KLF8: variants seen among roughly 807,000 people sequenced by gnomAD.
The protein encoded by KLF8 is KLF transcription factor 8.
In KLF8, 10 loss-of-function variants were observed where a neutral mutation model predicts 18.2. The observed-to-expected ratio is 0.55, with a 90% confidence interval of 0.34 to 0.93. The LOEUF is 0.93. Ranked by LOEUF, KLF8 falls within the 40% of genes least tolerant of loss-of-function variation. KLF8 has a pLI of 0.02. For synonymous variants in KLF8, 109 were observed against 97.3 expected (o/e 1.12, Z -0.71); for missense variants, 264 against 277.9 (o/e 0.95, Z 0.36).
At chrX:56,227,433 C>T (rs1240924799), upstream of KLF8, among the ~76,000 whole-genome samples, 1 of 109,689 alleles carries the variant, frequency 9.1e-6, no homozygotes, top group Non-Finnish European at 1.9e-5. Context: ...TCACTGCAAC[C>T]TCCGCCTCCC....
At chrX:56,257,045 A>G (rs1682335393) in intron 2 of KLF8, among the ~76,000 whole-genome samples, 1 of 111,890 alleles carries the variant, frequency 8.9e-6, no homozygotes, top group Non-Finnish European at 1.9e-5. Flanking sequence ...AAAGTTTAAT[A>G]ATATTATTAA....
the KLF8 span, among the ~76,000 whole-genome samples, chrX:56,052,091 A>C: frequency 1.8e-5 from 2 of 111,638 alleles, no homozygotes; most frequent in Admixed American, 9.5e-5. Context: ...TTATTCACGT[A>C]GTTCTCAAGC....
At chrX:56,198,688 C>T in the KLF8 span, among the ~76,000 whole-genome samples, 2 of 111,748 alleles carry the variant, frequency 1.8e-5, no homozygotes, top group Non-Finnish European at 3.8e-5. Context: ...AGATTCAATG[C>T]CATCCCCATC....
the KLF8 span, among the ~76,000 whole-genome samples, chrX:56,151,329 T>G: frequency 8.9e-6 from 1 of 111,842 alleles, no homozygotes; most frequent in East Asian, 2.8e-4. Context: ...TATAGAAGTA[T>G]TCTCTATAAG....
the KLF8 span, among the ~76,000 whole-genome samples, chrX:56,099,823 A>G: frequency 8.9e-6 from 1 of 111,973 alleles, no homozygotes; most frequent in Non-Finnish European, 1.9e-5. Flanking sequence ...TGGAAACCAG[A>G]ATGATGGTTC....
the KLF8 span, among the ~76,000 whole-genome samples, chrX:56,067,212 G>C: frequency 9.6e-6 from 1 of 104,585 alleles, no homozygotes; most frequent in African/African-American, 3.4e-5. Flanking sequence ...TCTTCCATTC[G>C]TCTTTGTGGA....
chrX:56,193,743 C>T, the KLF8 span, among the ~76,000 whole-genome samples: 77 of 111,440 alleles, frequency 6.9e-4, no homozygotes, highest in African/African-American at 2.4e-3. Context: ...CATGTTAAGG[C>T]TTATTTATGG....
chrX:55,975,231 G>C, the KLF8 span, among the ~76,000 whole-genome samples: 5 of 111,093 alleles, frequency 4.5e-5, no homozygotes, highest in Non-Finnish European at 9.4e-5. Flanking sequence ...TTGGAGCAGG[G>C]ATAGTGTTCC....
chrX:55,928,553 C>T, the KLF8 span, among the ~76,000 whole-genome samples: 1 of 110,955 alleles, frequency 9.0e-6, no homozygotes, highest in Non-Finnish European at 1.9e-5. Flanking sequence ...GTGATGTTCC[C>T]CTCCCTGTGT....
At chrX:56,164,489 G>T in the KLF8 span, among the ~76,000 whole-genome samples, 30 of 92,517 alleles carry the variant, frequency 3.2e-4, no homozygotes, top group Non-Finnish European at 5.5e-4. Flanking sequence ...GATCAATTTA[G>T]TAAATCAAAT....
At chrX:56,219,217 C>T in the KLF8 span, among the ~76,000 whole-genome samples, 14 of 111,907 alleles carry the variant, frequency 1.3e-4, no homozygotes, top group African/African-American at 3.6e-4. Flanking sequence ...GCAATAAAGG[C>T]GAAGTTTAAA....
At chrX:56,194,642 A>C in the KLF8 span, among the ~76,000 whole-genome samples, 1 of 112,595 alleles carries the variant, frequency 8.9e-6, no homozygotes, top group Non-Finnish European at 1.9e-5. Flanking sequence ...ATAGCTAAAC[A>C]AAAGGCAGCA....
At chrX:56,187,270 T>C in the KLF8 span, among the ~76,000 whole-genome samples, 4 of 111,810 alleles carry the variant, frequency 3.6e-5, no homozygotes, top group Non-Finnish European at 7.5e-5. Flanking sequence ...CTAGAAAATC[T>C]AGAAGAAATG....
At chrX:55,991,291 G>A in the KLF8 span, among the ~76,000 whole-genome samples, 1 of 112,269 alleles carries the variant, frequency 8.9e-6, no homozygotes, top group Non-Finnish European at 1.9e-5. Flanking sequence ...TGTGGGCGTA[G>A]GACCCTCCAA....
chrX:55,941,749 G>C, the KLF8 span, among the ~76,000 whole-genome samples: 1 of 111,794 alleles, frequency 8.9e-6, no homozygotes, highest in Non-Finnish European at 1.9e-5. Flanking sequence ...TTATGCAGCC[G>C]AAAGACACAT....
intron 3 of KLF8, chrX:56,269,005 A>AACAC (rs10584898): frequency 4.0e-5 from 32 of 794,125 alleles, no homozygotes; most frequent in Admixed American, 1.8e-4. Flanking sequence ...AGTTCAATTC[A>AACAC]ACACACACAC....
At position 56,232,409 on chromosome X, in the gene KLF8, G is replaced by C. The variant is rs1416345794; in HGVS notation, c.-926G>C. 1 of 108,002 alleles carries C rather than the reference G, an allele frequency of 9.3e-6. No homozygotes were observed. The highest frequency in any genetic ancestry group is 3.0e-4 in the East Asian group (1 of 3,358). The allele number at this position is 108,002 out of a possible 1,213,427, so 8.9% of individuals were successfully genotyped here. On this transcript the variant is annotated 5_prime_UTR_variant, in exon 1 of 6. Transcript: ENST00000468660. ...GTCCTTTTTAAGGAACTCCACCCTA[G>C]GTGGAGTCCTCACGATAGTCACACC...
At chrX:56,066,772 G>A in the KLF8 span, among the ~76,000 whole-genome samples, 2 of 110,958 alleles carry the variant, frequency 1.8e-5, no homozygotes, top group Non-Finnish European at 3.8e-5. Context: ...ATGGGGACTA[G>A]ACCTTCCAAA....
chrX:56,086,190 T>A, the KLF8 span, among the ~76,000 whole-genome samples: 1 of 112,050 alleles, frequency 8.9e-6, no homozygotes, highest in Admixed American at 9.5e-5. Flanking sequence ...GATTAGAAAT[T>A]GTCGGGAAGC....
Sources: gnomAD v4.1 joint callset for allele counts (sites outside exome capture counted in the v4.1 genomes callset) on GRCh38, gnomAD v4.1.1 for gene constraint, MANE v1.5 for transcripts, NCBI Gene and HGNC (gene_info 2026-07-23, HGNC 2026-07-21) for gene names.